Variants in NOTCH3 observed in about 807,000 individuals in gnomAD.
NOTCH3 encodes the protein notch receptor 3.
In NOTCH3, 86 loss-of-function variants were observed where a neutral mutation model predicts 213.3. The observed-to-expected ratio is 0.40, with a 90% CI of 0.34 to 0.48. The LOEUF (loss-of-function observed/expected upper bound fraction) is 0.48. Ranked by LOEUF, NOTCH3 falls within the 20% of genes least tolerant of loss-of-function variation. The pLI is 0.57. For missense variants in NOTCH3, 2,783 were observed against 3,272.6 expected (o/e 0.85, Z 3.65); for synonymous variants, 1,354 against 1,355.9 (o/e 1.00, Z 0.03).
At chr19:15,181,990 A>G (rs2046845805) in intron 16 of NOTCH3, among the ~76,000 whole-genome samples, 189 bp from the exon 17 acceptor site, 1 of 152,140 alleles carries the variant, frequency 6.6e-6, no homozygotes, top group South Asian at 2.1e-4. Flanking sequence ...TGGAAACCTC[A>G]CCTATGTGGC....
intron 20 of NOTCH3, 179 bp from the exon 21 acceptor site, chr19:15,179,675 A>G: frequency 1.5e-6 from 1 of 675,566 alleles, no homozygotes; most frequent in South Asian, 1.7e-5. Context: ...TGAGATCAGG[A>G]GTTCGAGACC....
At chr19:15,198,334 T>C (rs1272477021) in intron 1 of NOTCH3, among the ~76,000 whole-genome samples, 1 of 152,180 alleles carries the variant, frequency 6.6e-6, no homozygotes, top group African/African-American at 2.4e-5. Context: ...ACAGTGCGTG[T>C]GTCCATGCAT....
chr19:15,160,673 C>A lies in NOTCH3; in HGVS notation c.6955G>T (p.Val2319Leu). Residue 2319 changes from valine to leucine, a missense_variant, in exon 33 of 33, where the codon GTG becomes TTG. Physicochemically the swap from Val to Leu is conservative, Grantham distance 32. Transcript: ENST00000263388. ...AACTGACGAGCGTCTCAGGCCAACA[C>A]TTGCCTCTTGGGGGTAACTTCCGGC... is the stretch of plus-strand genomic sequence containing the variant. ...PQPEVTPKRQ[V>L]LA is the part of the protein sequence containing the mutation. 1 of 1,613,972 alleles carries A rather than the reference C, an allele frequency of 6.2e-7. No homozygotes were observed. The highest frequency in any genetic ancestry group is 2.2e-5 in the East Asian group (1 of 44,860).
chr19:15,188,892 A>G, intron 8 of NOTCH3, 97 bp downstream of exon 8: 1 of 1,280,926 alleles, frequency 7.8e-7, no homozygotes, highest in South Asian at 1.4e-5. Context: ...CCCACTCCAA[A>G]CCCACTTACA....
chr19:15,166,832 A>C (rs2046690066), intron 29 of NOTCH3, among the ~76,000 whole-genome samples: 1 of 152,182 alleles, frequency 6.6e-6, no homozygotes, highest in Non-Finnish European at 1.5e-5. Flanking sequence ...CCACCAGCTC[A>C]AAGACAGGTA....
intron 6 of NOTCH3, 70 bp downstream of exon 6, chr19:15,191,354 C>T: frequency 7.5e-7 from 1 of 1,332,166 alleles, no homozygotes; most frequent in Non-Finnish European, 1.1e-6. Flanking sequence ...TTCTAACACT[C>T]AAGTCAGACT....
chr19:15,184,545 G>A (rs1382975636), intron 15 of NOTCH3, 95 bp from the exon 16 acceptor site: 3 of 1,232,960 alleles, frequency 2.4e-6, no homozygotes, highest in Admixed American at 1.9e-5. Flanking sequence ...GGCCGAGATG[G>A]GTGAAGGCAA....
In NOTCH3 at chr19:15,161,155, A is replaced by C. The variant is rs1167807322; in HGVS notation, c.6473T>G (p.Leu2158Arg). 1 of 1,539,316 alleles carries C rather than the reference A, an allele frequency of 6.5e-7. No individual in the cohort carries two copies. The highest frequency in any genetic ancestry group is 2.4e-5 in the East Asian group (1 of 41,280). Residue 2158 changes from leucine (L) to arginine (R), a missense_variant, in exon 33 of 33, where the codon CTC becomes CGC. This residue lies in a region of NOTCH3 where 441 missense variants were observed against 432.1 expected (regional missense o/e 1.02). Coordinates refer to ENST00000263388, the MANE Select transcript of NOTCH3 (RefSeq NM_000435.3). ...LGRQPPGGCV[L>R]SLGLLNPVAV... ...CACAGGGTTCAGCAGGCCCAGGCTG[A>C]GTACACATCCTCCAGGGGGCTGGCG...
rs868761463 is a variant in NOTCH3, at chr19:15,161,516, C to T, written c.6112G>A (p.Gly2038Ser). The T allele has an allele frequency of 1.4e-5, 22 of 1,595,830 alleles. No individual in the cohort carries two copies. Among genetic ancestry groups the T allele is most frequent in the Non-Finnish European group, 1.8e-5 (21 of 1,171,544 alleles). ...SGPRSPPGPH[G>S]LGPLLCPPGA... ...GGAGGACAGAGCAGAGGCCCCAGGC[C>T]GTGGGGACCGGGGGGGCTGCGGGGC... is the stretch of plus-strand genomic sequence containing the variant. Residue 2038 changes from glycine (G) to serine (S), a missense_variant, in exon 33 of 33, where the codon GGC becomes AGC. Physicochemically the swap from Gly to Ser is moderately conservative, Grantham distance 56. This residue lies in a region of NOTCH3 where 441 missense variants were observed against 432.1 expected (regional missense o/e 1.02). Transcript: ENST00000263388.
chr19:15,164,562 G>A lies in NOTCH3; in HGVS notation c.5815+806C>T, dbSNP rs796151830. ...GTCTCAAAAAAAAAAATTAAAAAAA[G>A]GGCAACATAAGGAGAAAAAAATTAA... On this transcript the variant is annotated intron_variant, in intron 31 of 32. Coordinates refer to ENST00000263388, the MANE Select transcript of NOTCH3 (RefSeq NM_000435.3). Among the ~76,000 whole-genome samples, 117 of 139,618 alleles carry A rather than the reference G, an allele frequency of 8.4e-4. 12 individuals are homozygous for A. The highest frequency in any genetic ancestry group is 3.7e-3 in the Middle Eastern group (1 of 270). The allele number at this position is 139,618 out of a possible 152,430, so 91.6% of individuals were successfully genotyped here.
intron 16 of NOTCH3, among the ~76,000 whole-genome samples, chr19:15,182,343 T>C (rs1391451969): frequency 1.3e-5 from 2 of 151,822 alleles, no homozygotes; most frequent in Admixed American, 1.3e-4. Flanking sequence ...CCCATTTCTA[T>C]AAAAAATACA....
chr19:15,189,516 G>GTTGTT (rs767193539), intron 6 of NOTCH3, 88 bp from the exon 7 acceptor site: 792 of 1,520,810 alleles, frequency 5.2e-4, no homozygotes, highest in South Asian at 9.1e-4. Context: ...TGTCGTTGTT[G>GTTGTT]TTGTTTTGTT....
rs1410670785 is a variant in NOTCH3 at position 15,187,324 on chromosome 19, G to T, written c.1621C>A (p.Leu541Met). The stretch of plus-strand genomic sequence containing the variant: ...CAGTCGTCCACGTTGCGATCACACA[G>T]CGTGCCCTCAAAGCCTGTGGGGCCA... ...CRCAEGFEGTLCDRNVDDCSP... is the reference protein window; with the variant it reads ...CRCAEGFEGTMCDRNVDDCSP... Residue 541 changes from leucine to methionine, a missense_variant, in exon 11 of 33, where the codon CTG (leucine) becomes ATG (methionine). Physicochemically the swap from Leu to Met is conservative, Grantham distance 15. Coordinates refer to ENST00000263388, the MANE Select transcript of NOTCH3 (RefSeq NM_000435.3). The T allele has an allele frequency of 3.1e-6, 5 of 1,613,534 alleles. No individual in the cohort carries two copies. Among genetic ancestry groups the T allele is most frequent in the Non-Finnish European group, 1.7e-6 (2 of 1,179,858 alleles).
In NOTCH3 at chr19:15,174,180, A is replaced by T. The variant is rs768113440; in HGVS notation, c.4624T>A (p.Ser1542Thr). Reference sequence around the variant, plus strand: ...TGCGCGTCCAGGCGGAAGCGCAGCGAGGTGCGCAGGATGGCGCTGAGCCGC... The same window carrying T: ...TGCGCGTCCAGGCGGAAGCGCAGCGTGGTGCGCAGGATGGCGCTGAGCCGC... ...LQRLSAILRT[S>T]LRFRLDAHGQ... is the part of the protein sequence containing the mutation. The change falls in exon 25 of 33, where the codon TCG becomes ACG. Residue 1542 changes from serine (S) to threonine (T), a missense_variant. Around this residue, in one of 6 missense-constraint regions of NOTCH3, gnomAD observed 636 missense variants for 801.8 expected, o/e 0.79. Transcript: ENST00000263388. 1 of 1,609,248 alleles carries T rather than the reference A, an allele frequency of 6.2e-7. No homozygotes were observed. Among genetic ancestry groups the T allele is most frequent in the South Asian group, 1.1e-5 (1 of 90,988 alleles).
At position 15,179,362 on chromosome 19, in the gene NOTCH3, AC is replaced by A; in HGVS notation, c.3460+1del. 1 of 1,614,028 alleles carries A rather than the reference AC, an allele frequency of 6.2e-7. No homozygotes were observed. The highest frequency in any genetic ancestry group is 8.5e-7 in the Non-Finnish European group (1 of 1,180,016). Reference sequence around the variant, plus strand: ...GTCCCCCCAACCCTGGCCCTGGCATACCCAGCGTTCCTGGGGGACAGGAGCA... The same window carrying A: ...GTCCCCCCAACCCTGGCCCTGGCATACCAGCGTTCCTGGGGGACAGGAGCA... On this transcript the variant is annotated splice_donor_variant, in intron 21 of 32. Coordinates refer to ENST00000263388, the MANE Select transcript of NOTCH3 (RefSeq NM_000435.3). LOFTEE classifies it high-confidence loss of function.
intron 10 of NOTCH3, 33 bp from the exon 11 acceptor site, chr19:15,187,371 T>C: frequency 6.3e-7 from 1 of 1,588,138 alleles, no homozygotes; most frequent in Non-Finnish European, 8.6e-7. Context: ...CTCCGCCCAC[T>C]TGCCAGGGGC....
chr19:15,162,344 T>C (rs746475586), intron 32 of NOTCH3, 121 bp downstream of exon 32: 1 of 809,248 alleles, frequency 1.2e-6, no homozygotes, highest in South Asian at 1.5e-5. Flanking sequence ...TATATTTTAA[T>C]CCAATGTTTG....
chr19:15,187,641 G>A (rs2145433890), intron 10 of NOTCH3, among the ~76,000 whole-genome samples: 1 of 152,246 alleles, frequency 6.6e-6, no homozygotes, highest in East Asian at 1.9e-4. Context: ...GCAGGTGCCA[G>A]GGGAAGGTAT....
chr19:15,162,436 CA>C, intron 32 of NOTCH3, 28 bp downstream of exon 32: 3 of 1,528,818 alleles, frequency 2.0e-6, no homozygotes, highest in Non-Finnish European at 2.7e-6. Flanking sequence ...CCACTGCTGA[CA>C]CCCAGTGGAC....
Sources: gnomAD v4.1 joint callset for allele counts (sites outside exome capture counted in the v4.1 genomes callset) on GRCh38, gnomAD v4.1.1 for gene constraint, gnomAD v4.1.1 regional missense constraint, MANE v1.5 for transcripts, NCBI Gene and HGNC (gene_info 2026-07-23, HGNC 2026-07-21) for gene names.